MAP3K4: variants seen among roughly 807,000 people sequenced by gnomAD.
MAP3K4 encodes mitogen-activated protein kinase kinase kinase 4.
A neutral mutation model predicts 185.6 loss-of-function variants in MAP3K4; 67 were observed. The ratio of observed to expected loss-of-function variants is 0.36; its 90% CI spans 0.30 to 0.44. The LOEUF is 0.44. Ranked by LOEUF, MAP3K4 falls within the 20% of genes least tolerant of loss-of-function variation. MAP3K4 has a pLI of 1.00. For synonymous variants in MAP3K4, 702 were observed against 710.4 expected (o/e 0.99, Z 0.19); for missense variants, 1,551 against 1,995.1 (o/e 0.78, Z 4.24).
chr6:161,116,873 C>T lies in MAP3K4; in HGVS notation c.*3C>T, dbSNP rs1778608960. Reference sequence around the variant, plus strand: ...AGGTTTGCACAGATGAAGAATGAAGCCTAGTAGAATATGGACTTGGAAAAT... The same window carrying T: ...AGGTTTGCACAGATGAAGAATGAAGTCTAGTAGAATATGGACTTGGAAAAT... On this transcript the variant is annotated 3_prime_UTR_variant, in exon 27 of 27. Coordinates refer to ENST00000392142, the MANE Select transcript of MAP3K4 (RefSeq NM_005922.4). This position sits in a 1 kb window ranked among gnomAD's most constrained non-coding sequence, Gnocchi z 6.2. 1.9e-6 allele frequency: 3 copies of T among 1,613,596 alleles called. No individual in the cohort carries two copies. The highest frequency in any genetic ancestry group is 1.1e-5 in the South Asian group (1 of 91,066).
rs1369742397 is a variant in MAP3K4, at chr6:161,084,528, T to C, written c.2283T>C (p.Ser761=). ...ACATTGCAGGAATGCTGCTGAAATC[T>C]ACAGGAAGTTTTTTAGAATTTGGCT... The part of the protein sequence containing the change: ...FCDIAGMLLK[S]TGSFLEFGLQ... Residue 761 remains serine, a synonymous_variant, in exon 7 of 27, where the codon TCT becomes TCC. Transcript: ENST00000392142. The surrounding 1 kb of genome is among the most constrained non-coding windows in gnomAD (Gnocchi z 4.6). 2 of 1,599,468 alleles carry C rather than the reference T, an allele frequency of 1.3e-6. No homozygotes were observed. Among genetic ancestry groups the C allele is most frequent in the East Asian group, 2.2e-5 (1 of 44,840 alleles).
In MAP3K4 at chr6:161,034,464, T is replaced by A. The variant is rs1783070038; in HGVS notation, c.343+15T>A. 1.9e-6 allele frequency: 3 copies of A among 1,607,880 alleles called. No individual in the cohort carries two copies. Among genetic ancestry groups the A allele is most frequent in the Admixed American group, 3.3e-5 (2 of 59,902 alleles). On this transcript the variant is annotated intron_variant, in intron 2 of 26. Coordinates refer to ENST00000392142, the MANE Select transcript of MAP3K4 (RefSeq NM_005922.4). This position sits in a 1 kb window ranked among gnomAD's most constrained non-coding sequence, Gnocchi z 4.4. ...TAATTTGAAAGGTGAGTCTTGTACT[T>A]GAAAAGAGGTGTACATGAGAGGGTA...
rs1782190821 is a variant in MAP3K4 at position 161,017,945 on chromosome 6, T to A, written c.153-16314T>A. Reference sequence around the variant, plus strand: ...TATAAATATGCTGGGTTTTAGTGATTACAATAAACTCTTCTTACGCTATTT... The same window carrying A: ...TATAAATATGCTGGGTTTTAGTGATAACAATAAACTCTTCTTACGCTATTT... On this transcript the variant is annotated intron_variant, in intron 1 of 26. Transcript: ENST00000392142. The surrounding 1 kb of genome is among the most constrained non-coding windows in gnomAD (Gnocchi z 5.1). Among the ~76,000 whole-genome samples, 1 of 152,256 alleles carries A rather than the reference T, an allele frequency of 6.6e-6. No individual in the cohort carries two copies. The highest frequency in any genetic ancestry group is 2.1e-4 in the South Asian group (1 of 4,832).
rs1028044857 is a variant in MAP3K4, at chr6:161,046,808, A to G, written c.344-1808A>G. ...ATGTAAATATACCCTATTCCATCAA[A>G]TCTGAAGATATACTAATATGTCTTT... On this transcript the variant is annotated intron_variant, in intron 2 of 26. Coordinates refer to ENST00000392142, the MANE Select transcript of MAP3K4 (RefSeq NM_005922.4). Among the ~76,000 whole-genome samples, 5 of 150,872 alleles carry G rather than the reference A, an allele frequency of 3.3e-5. No homozygotes were observed. The South Asian group carries it at 8.3e-4, about 25-fold the overall frequency.
rs1327277382 is a variant in MAP3K4, at chr6:161,100,984, T to C, written c.3675-908T>C. The stretch of plus-strand genomic sequence containing the variant: ...GCATATTTTATAATTTGTAAATGTC[T>C]GTGCAATAGATCATGTTGCCTTCAA... On this transcript the variant is annotated intron_variant, in intron 17 of 26. Coordinates refer to ENST00000392142, the MANE Select transcript of MAP3K4 (RefSeq NM_005922.4). The surrounding 1 kb of genome is among the most constrained non-coding windows in gnomAD (Gnocchi z 5.8). The C allele has an allele frequency of 6.6e-6, 1 of 152,242 alleles. No homozygotes were observed. Among genetic ancestry groups the C allele is most frequent in the Non-Finnish European group, 1.5e-5 (1 of 68,048 alleles). The allele number at this position is 152,242 out of a possible 1,614,324, so 9.4% of individuals were successfully genotyped here.
intron 13 of MAP3K4, 80 bp downstream of exon 13, chr6:161,092,223 T>C: frequency 6.6e-7 from 1 of 1,505,712 alleles, no homozygotes; most frequent in South Asian, 1.3e-5. Flanking sequence ...GTGGGATTCT[T>C]TTTGAGCAGA....
rs1449521804 is a variant in MAP3K4, at chr6:161,112,791, C to T, written c.4626+17C>T. ...ACTGGCAAGGTAAGCGGAGCCCCCA[C>T]ACCTGGCGGAGCAACTTCAGAAGGG... On this transcript the variant is annotated intron_variant, in intron 25 of 26. Coordinates refer to ENST00000392142, the MANE Select transcript of MAP3K4 (RefSeq NM_005922.4). This position sits in a 1 kb window ranked among gnomAD's most constrained non-coding sequence, Gnocchi z 5.1. 6.5e-7 allele frequency: 1 copy of T among 1,541,148 alleles called. No individual in the cohort carries two copies. The highest frequency in any genetic ancestry group is 2.3e-5 in the East Asian group (1 of 43,108).
intron 1 of MAP3K4, among the ~76,000 whole-genome samples, chr6:161,018,872 C>A (rs1281655037): frequency 6.6e-6 from 1 of 152,164 alleles, no homozygotes; most frequent in East Asian, 1.9e-4. Context: ...CCAAATGGAA[C>A]TTCTGAAAAT....
intron 1 of MAP3K4, among the ~76,000 whole-genome samples, chr6:161,023,101 G>A (rs1269649903): frequency 6.6e-6 from 1 of 152,146 alleles, no homozygotes; most frequent in East Asian, 1.9e-4. Context: ...AGGTAGCACT[G>A]GAGTTTAACT....
rs1385059637 is a variant in MAP3K4 at position 161,064,569 on chromosome 6, G to A, written c.1708-6039G>A. Among the ~76,000 whole-genome samples the A allele has an allele frequency of 6.6e-6, 1 of 151,968 alleles. No individual in the cohort carries two copies. The highest frequency in any genetic ancestry group is 1.5e-5 in the Non-Finnish European group (1 of 67,990). ...AGAGTAGGCTTATTAGTAAGGTTTG[G>A]TATCTTGTAGGACAGTGTTGCCCAT... On this transcript the variant is annotated intron_variant, in intron 3 of 26. Transcript: ENST00000392142. The surrounding 1 kb of genome is among the most constrained non-coding windows in gnomAD (Gnocchi z 4.3).
chr6:161,116,758 G>T lies in MAP3K4; in HGVS notation c.4807-92G>T. 1 of 1,101,684 alleles carries T rather than the reference G, an allele frequency of 9.1e-7. No individual in the cohort carries two copies. The highest frequency in any genetic ancestry group is 1.7e-5 in the Admixed American group (1 of 57,970). The allele number at this position is 1,101,684 out of a possible 1,614,324, so 68.2% of individuals were successfully genotyped here. A position where few individuals can be genotyped will look rare whatever the true frequency, so the allele number is the denominator to read the frequency against. Reference sequence around the variant, plus strand: ...AGTGCTGGGAGCATCAGGATGAGTGGATGGGGCCTTCCCCGTAAGACTCAT... The same window carrying T: ...AGTGCTGGGAGCATCAGGATGAGTGTATGGGGCCTTCCCCGTAAGACTCAT... On this transcript the variant is annotated intron_variant, in intron 26 of 26. Transcript: ENST00000392142. This position sits in a 1 kb window ranked among gnomAD's most constrained non-coding sequence, Gnocchi z 6.2.
At chr6:161,013,504 G>A (rs933154802) in intron 1 of MAP3K4, among the ~76,000 whole-genome samples, 1 of 152,132 alleles carries the variant, frequency 6.6e-6, no homozygotes, top group Admixed American at 6.6e-5. Context: ...ATGAAATTAA[G>A]GGAAATAATT....
chr6:161,069,581 C>T (rs570966756), intron 3 of MAP3K4, among the ~76,000 whole-genome samples: 7 of 151,998 alleles, frequency 4.6e-5, no homozygotes, highest in African/African-American at 7.2e-5. Flanking sequence ...ATGAGCAGGT[C>T]GGGGGCAGCA....
At chr6:161,028,504 A>C (rs1782775975) in intron 1 of MAP3K4, among the ~76,000 whole-genome samples, 2 of 152,328 alleles carry the variant, frequency 1.3e-5, no homozygotes, top group South Asian at 4.1e-4. Flanking sequence ...AGATAAACTT[A>C]CTTGATTTGT....
chr6:161,021,285 G>A (rs1782373255), intron 1 of MAP3K4, among the ~76,000 whole-genome samples: 1 of 152,180 alleles, frequency 6.6e-6, no homozygotes, highest in African/African-American at 2.4e-5. Context: ...GTAGACAGAA[G>A]CTGTTGGGGA....
In MAP3K4 at chr6:160,994,307, C is replaced by T. The variant is rs151271711; in HGVS notation, c.152+2224C>T. On this transcript the variant is annotated intron_variant, in intron 1 of 26. Transcript: ENST00000392142. Reference sequence around the variant, plus strand: ...CCTCACCCCGCTCTGAGCCTTCCCCCGAGTCTTCAAAGTCCATTATATCAT... The same window carrying T: ...CCTCACCCCGCTCTGAGCCTTCCCCTGAGTCTTCAAAGTCCATTATATCAT... Among the ~76,000 whole-genome samples the T allele has an allele frequency of 4.7e-3, 709 of 152,202 alleles. 5 individuals are homozygous for T. Among genetic ancestry groups the T allele is most frequent in the African/African-American group, 0.017 (688 of 41,526 alleles).
rs1209157875 is a variant in MAP3K4, at chr6:161,076,898, C to G, written c.2097+3286C>G. 6.6e-6 allele frequency among the ~76,000 whole-genome samples: 1 copy of G among 152,050 alleles called. No individual in the cohort carries two copies. The highest frequency in any genetic ancestry group is 2.4e-5 in the African/African-American group (1 of 41,376). On this transcript the variant is annotated intron_variant, in intron 5 of 26. Coordinates refer to ENST00000392142, the MANE Select transcript of MAP3K4 (RefSeq NM_005922.4). The surrounding 1 kb of genome is among the most constrained non-coding windows in gnomAD (Gnocchi z 4.2). ...TCTTAGAGTTTAAGAATAGGGGGGT[C>G]CATGGTGATTGTAGAACCATGTGAA...
chr6:161,071,510 G>A lies in MAP3K4; in HGVS notation c.1950+660G>A, dbSNP rs577805594. On this transcript the variant is annotated intron_variant, in intron 4 of 26. Coordinates refer to ENST00000392142, the MANE Select transcript of MAP3K4 (RefSeq NM_005922.4). The surrounding 1 kb of genome is among the most constrained non-coding windows in gnomAD (Gnocchi z 4.6). The stretch of plus-strand genomic sequence containing the variant: ...TTGGTATGTTTTTTGTAGACTGTAC[G>A]TGTCTATCCCATAGGGATTGGAGGG... Among the ~76,000 whole-genome samples, 5 of 152,244 alleles carry A rather than the reference G, an allele frequency of 3.3e-5. No individual in the cohort carries two copies. The highest frequency in any genetic ancestry group is 2.1e-4 in the South Asian group (1 of 4,822).
At chr6:161,025,867 C>G (rs979396328) in intron 1 of MAP3K4, among the ~76,000 whole-genome samples, 2 of 152,014 alleles carry the variant, frequency 1.3e-5, no homozygotes, top group Admixed American at 1.3e-4. Flanking sequence ...TTTTTCCTCC[C>G]AGCTTTGACA....
Sources: gnomAD v4.1 joint callset for allele counts (sites outside exome capture counted in the v4.1 genomes callset) on GRCh38, gnomAD v4.1.1 for gene constraint, Gnocchi (gnomAD v3.1) non-coding constraint, MANE v1.5 for transcripts, NCBI Gene and HGNC (gene_info 2026-07-23, HGNC 2026-07-21) for gene names.